The following PABPC4L variants were observed in gnomAD, a reference collection of about 807,000 sequenced individuals.
PABPC4L encodes polyadenylate-binding protein 4-like.
For missense variants in PABPC4L, 452 were observed against 451.4 expected, an observed-to-expected ratio of 1.00 and a Z score of -0.01; for synonymous variants, 169 against 164.1, an observed-to-expected ratio of 1.03 and a Z score of -0.23.
chr4:134,029,394 A>G, the PABPC4L span, among the ~76,000 whole-genome samples: 1 of 152,078 alleles, frequency 6.6e-6, no homozygotes, highest in Non-Finnish European at 1.5e-5. Context: ...GAAACCCCTA[A>G]GCCTGGTTTT....
chr4:134,079,296 G>A, the PABPC4L span, among the ~76,000 whole-genome samples: 5 of 150,562 alleles, frequency 3.3e-5, no homozygotes, highest in Non-Finnish European at 7.4e-5. Context: ...AAAAAAAATT[G>A]TGCAGCCGGG....
the PABPC4L span, among the ~76,000 whole-genome samples, chr4:134,109,639 T>A: frequency 2.0e-5 from 3 of 151,840 alleles, no homozygotes. Context: ...AAAAAATTAA[T>A]AAAAAAATTA....
the PABPC4L span, among the ~76,000 whole-genome samples, chr4:134,179,302 A>G: frequency 6.6e-6 from 1 of 152,164 alleles, no homozygotes; most frequent in Non-Finnish European, 1.5e-5. Context: ...AGCCAAGTAA[A>G]GAAGAAATAA....
chr4:134,136,008 G>T, the PABPC4L span, among the ~76,000 whole-genome samples: 5 of 151,720 alleles, frequency 3.3e-5, no homozygotes, highest in African/African-American at 4.8e-5. Context: ...ATAAATATTT[G>T]AAGCATTTCA....
At chr4:134,105,624 T>A in the PABPC4L span, among the ~76,000 whole-genome samples, 4 of 151,786 alleles carry the variant, frequency 2.6e-5, no homozygotes, top group East Asian at 7.8e-4. Flanking sequence ...GACATACAAA[T>A]CTTAAAAACA....
the PABPC4L span, among the ~76,000 whole-genome samples, chr4:133,987,934 G>A: frequency 6.6e-6 from 1 of 152,134 alleles, no homozygotes; most frequent in Non-Finnish European, 1.5e-5. Flanking sequence ...TTACAATCAT[G>A]GAGGAAGGGG....
chr4:134,146,659 G>A, the PABPC4L span, among the ~76,000 whole-genome samples: 7 of 152,042 alleles, frequency 4.6e-5, no homozygotes, highest in African/African-American at 1.7e-4. Flanking sequence ...ATTTTATTGG[G>A]TGACAGAAAG....
At chr4:134,070,337 A>G in the PABPC4L span, among the ~76,000 whole-genome samples, 3 of 152,064 alleles carry the variant, frequency 2.0e-5, no homozygotes, top group East Asian at 5.8e-4. Context: ...GTGCATGTGC[A>G]TCGGCTGTGG....
chr4:134,196,951 ACT>A lies in PABPC4L; in HGVS notation c.*2954_*2955del, dbSNP rs1341304999. The A allele has an allele frequency of 1.3e-5, 2 of 151,804 alleles. No homozygotes were observed. Among genetic ancestry groups the A allele is most frequent in the Admixed American group, 6.6e-5 (1 of 15,256 alleles). 9.4% of individuals were successfully genotyped at this position (151,804 alleles called of 1,614,324 possible). ...ATTAACTACTTACATACATGAAAGAACTCTGTTTCCTGATATTATCTTGAAAG... is the reference window on the plus strand; with the variant it reads ...ATTAACTACTTACATACATGAAAGAACTGTTTCCTGATATTATCTTGAAAG... On this transcript the variant is annotated 3_prime_UTR_variant, in exon 2 of 2. Transcript: ENST00000421491.
At chr4:134,020,662 G>A in the PABPC4L span, among the ~76,000 whole-genome samples, 12 of 152,038 alleles carry the variant, frequency 7.9e-5, no homozygotes, top group African/African-American at 2.9e-4. Flanking sequence ...ACACCAACCT[G>A]TTCCTGTATT....
At chr4:133,975,352 G>A in the PABPC4L span, among the ~76,000 whole-genome samples, 2 of 151,976 alleles carry the variant, frequency 1.3e-5, no homozygotes, top group Non-Finnish European at 2.9e-5. Context: ...AATGTGGAGG[G>A]ATCACTAATG....
At chr4:133,949,765 A>G in the PABPC4L span, among the ~76,000 whole-genome samples, 1 of 152,080 alleles carries the variant, frequency 6.6e-6, no homozygotes, top group Non-Finnish European at 1.5e-5. Context: ...TGGACTGTGA[A>G]CTCAAGAGGC....
chr4:134,183,328 C>G, the PABPC4L span, among the ~76,000 whole-genome samples: 4 of 151,674 alleles, frequency 2.6e-5, no homozygotes, highest in African/African-American at 9.7e-5. Flanking sequence ...GAGCTGGAGG[C>G]CATTATCCTA....
At chr4:134,022,187 C>A in the PABPC4L span, among the ~76,000 whole-genome samples, 1 of 152,096 alleles carries the variant, frequency 6.6e-6, no homozygotes, top group South Asian at 2.1e-4. Flanking sequence ...TCTATTTATT[C>A]TGTTCAGTCA....
chr4:134,144,305 A>G, the PABPC4L span, among the ~76,000 whole-genome samples: 2 of 151,464 alleles, frequency 1.3e-5, no homozygotes, highest in African/African-American at 4.8e-5. Flanking sequence ...TATTCCCTAT[A>G]CCTATCTATT....
the PABPC4L span, among the ~76,000 whole-genome samples, chr4:133,986,462 T>G: frequency 3.3e-5 from 5 of 151,990 alleles, no homozygotes; most frequent in East Asian, 7.7e-4. Context: ...TGCATTTTTT[T>G]CCCTATTCAG....
the PABPC4L span, among the ~76,000 whole-genome samples, chr4:134,146,382 T>C: frequency 6.6e-6 from 1 of 151,932 alleles, no homozygotes. Flanking sequence ...TATTACAAAA[T>C]AATAATTTAT....
At chr4:134,130,077 A>C in the PABPC4L span, among the ~76,000 whole-genome samples, 1 of 151,584 alleles carries the variant, frequency 6.6e-6, no homozygotes, top group Non-Finnish European at 1.5e-5. Flanking sequence ...AAAAAAAAAA[A>C]AAAACAACTT....
the PABPC4L span, among the ~76,000 whole-genome samples, chr4:133,963,530 G>C: frequency 6.6e-6 from 1 of 151,900 alleles, no homozygotes; most frequent in Non-Finnish European, 1.5e-5. Context: ...CCAATAACCA[G>C]AGAATAAACA....
Sources: gnomAD v4.1 joint callset for allele counts (sites outside exome capture counted in the v4.1 genomes callset) on GRCh38, gnomAD v4.1.1 for gene constraint, MANE v1.5 for transcripts, NCBI Gene and HGNC (gene_info 2026-07-23, HGNC 2026-07-21) for gene names.